The following CLINT1 variants were observed in gnomAD, a reference collection of about 807,000 sequenced individuals.
CLINT1 encodes the protein clathrin interactor 1, also known as clathrin interacting protein localized in the trans-Golgi region.
Under a neutral mutation model 70.4 loss-of-function variants are expected in CLINT1, and 15 were observed. The ratio of observed to expected loss-of-function variants is 0.21; its 90% CI spans 0.14 to 0.33. The LOEUF (loss-of-function observed/expected upper bound fraction) is 0.33. CLINT1 is among the 10% of genes least tolerant of loss of function. The pLI is 1.00. For missense variants in CLINT1, 615 were observed against 778.1 expected, an observed-to-expected ratio of 0.79 and a Z score of 2.49; for synonymous variants, 227 against 254.7, an observed-to-expected ratio of 0.89 and a Z score of 1.04.
At chr5:157,794,674 G>A (rs746280149) in intron 9 of CLINT1, among the ~76,000 whole-genome samples, 2 of 152,090 alleles carry the variant, frequency 1.3e-5, no homozygotes, top group African/African-American at 2.4e-5. Context: ...CTATGAATAT[G>A]GGCAATTTTC....
intron 1 of CLINT1, among the ~76,000 whole-genome samples, chr5:157,825,911 T>G (rs1763021043): frequency 6.6e-6 from 1 of 152,180 alleles, no homozygotes; most frequent in African/African-American, 2.4e-5. Context: ...TCACTCTTGG[T>G]GTTTTAATAC....
intron 1 of CLINT1, among the ~76,000 whole-genome samples, chr5:157,819,347 T>G (rs1306677534): frequency 1.3e-5 from 2 of 152,154 alleles, no homozygotes; most frequent in African/African-American, 2.4e-5. Context: ...AAGATATCAA[T>G]TAATGTGACA....
At chr5:157,852,865 G>A (rs919768530) in intron 1 of CLINT1, among the ~76,000 whole-genome samples, 2 of 152,092 alleles carry the variant, frequency 1.3e-5, no homozygotes, top group Non-Finnish European at 2.9e-5. Flanking sequence ...GCTAAACAAG[G>A]AAAGCTCACA....
chr5:157,806,678 G>A (rs1316284615), intron 6 of CLINT1, among the ~76,000 whole-genome samples: 1 of 152,106 alleles, frequency 6.6e-6, no homozygotes, highest in Non-Finnish European at 1.5e-5. Flanking sequence ...GAAAATATAA[G>A]GGAATGCACT....
At chr5:157,795,101 C>G in intron 8 of CLINT1, 129 bp from the exon 9 acceptor site, 1 of 701,854 alleles carries the variant, frequency 1.4e-6, no homozygotes, top group Non-Finnish European at 2.5e-6. Flanking sequence ...AAAGCTAAAG[C>G]TAGTCTGTTG....
chr5:157,817,541 A>G lies in CLINT1; in HGVS notation c.48T>C (p.Asn16=), dbSNP rs1425018783. Residue 16 remains asparagine, a synonymous_variant, in exon 2 of 12, where the codon AAT becomes AAC. Coordinates refer to ENST00000411809, the MANE Select transcript of CLINT1 (RefSeq NM_014666.4). ...KVRELVDKAT[N]VVMNYSEIES... The stretch of plus-strand genomic sequence containing the variant: ...CGATCTCTGAATAATTCATAACAAC[A>G]TTGGTGCTGTAGAGGAAAAAAATGC... The G allele has an allele frequency of 4.4e-6, 7 of 1,594,150 alleles. No homozygotes were observed. The highest frequency in any genetic ancestry group is 6.0e-6 in the Non-Finnish European group (7 of 1,169,078).
At chr5:157,792,513 A>G (rs949700758) in intron 9 of CLINT1, among the ~76,000 whole-genome samples, 3 of 152,104 alleles carry the variant, frequency 2.0e-5, no homozygotes, top group Non-Finnish European at 4.4e-5. Flanking sequence ...GTGCCACTGC[A>G]CTCCAGCCTG....
At chr5:157,833,621 G>T (rs184028107) in intron 1 of CLINT1, among the ~76,000 whole-genome samples, 2 of 152,078 alleles carry the variant, frequency 1.3e-5, no homozygotes, top group Admixed American at 1.3e-4. Context: ...AGCACCCTTT[G>T]CTTTCTACTA....
chr5:157,855,255 A>G (rs967334714), intron 1 of CLINT1, among the ~76,000 whole-genome samples: 1 of 151,614 alleles, frequency 6.6e-6, no homozygotes, highest in Non-Finnish European at 1.5e-5. Context: ...AATAAGTAGC[A>G]GTTTTGATCT....
chr5:157,822,913 G>C (rs1762919423), intron 1 of CLINT1, among the ~76,000 whole-genome samples: 1 of 152,128 alleles, frequency 6.6e-6, no homozygotes, highest in African/African-American at 2.4e-5. Context: ...AAGAGAAAAG[G>C]TAAAGTATAG....
At chr5:157,849,342 G>A (rs1439169481) in intron 1 of CLINT1, among the ~76,000 whole-genome samples, 1 of 152,180 alleles carries the variant, frequency 6.6e-6, no homozygotes, top group Non-Finnish European at 1.5e-5. Context: ...AGCTCAGATG[G>A]CTGTACTTTT....
chr5:157,830,757 C>CCTCTCTCTCCCTCT, intron 1 of CLINT1, among the ~76,000 whole-genome samples: 1 of 87,408 alleles, frequency 1.1e-5, no homozygotes, highest in Non-Finnish European at 2.1e-5. Context: ...CCTCTCTCTC[C>CCTCTCTCTCCCTCT]CTCTCTCTCT....
intron 8 of CLINT1, among the ~76,000 whole-genome samples, chr5:157,796,907 T>C (rs1277229939): frequency 1.3e-5 from 2 of 152,008 alleles, no homozygotes; most frequent in Non-Finnish European, 2.9e-5. Flanking sequence ...TATATATATA[T>C]CTCCTCACTC....
chr5:157,841,197 T>G (rs1561670973), intron 1 of CLINT1, among the ~76,000 whole-genome samples: 1 of 151,870 alleles, frequency 6.6e-6, no homozygotes. Context: ...TGCCGGGAGG[T>G]TGAGGCAGCA....
chr5:157,837,297 G>C (rs1763454932), intron 1 of CLINT1, among the ~76,000 whole-genome samples: 1 of 152,106 alleles, frequency 6.6e-6, no homozygotes, highest in Non-Finnish European at 1.5e-5. Context: ...AGCTACATGG[G>C]AGGTTGAGGT....
intron 7 of CLINT1, 114 bp downstream of exon 7, chr5:157,805,752 G>T: frequency 1.6e-6 from 2 of 1,278,944 alleles, no homozygotes; most frequent in Non-Finnish European, 2.2e-6. Context: ...CATGCCAGAT[G>T]ATCCATAATT....
At chr5:157,803,564 GTAATC>G in intron 8 of CLINT1, 81 bp downstream of exon 8, 4 of 896,702 alleles carry the variant, frequency 4.5e-6, no homozygotes, top group Non-Finnish European at 6.2e-6. Context: ...ATGCAAATAA[GTAATC>G]TTATTTTTCA....
chr5:157,826,598 G>A (rs1338433190), intron 1 of CLINT1, among the ~76,000 whole-genome samples: 1 of 151,672 alleles, frequency 6.6e-6, no homozygotes, highest in Non-Finnish European at 1.5e-5. Flanking sequence ...GTGGATGTGA[G>A]GGACTGGTTT....
chr5:157,790,516 T>C (rs969107552), intron 10 of CLINT1: 3 of 351,488 alleles, frequency 8.5e-6, no homozygotes, highest in Non-Finnish European at 1.6e-5. Flanking sequence ...TTATGACAGT[T>C]ACAATTAAGA....
Sources: allele counts gnomAD v4.1 joint callset (sites outside exome capture counted in the v4.1 genomes callset), GRCh38; gene constraint gnomAD v4.1.1; transcripts MANE v1.5; gene names NCBI Gene and HGNC (gene_info 2026-07-23, HGNC 2026-07-21).